The following TMEM132D variants were observed in gnomAD, a reference collection of about 807,000 sequenced individuals.
TMEM132D encodes the protein mature OL transmembrane protein.
Under a neutral mutation model 62.3 loss-of-function variants are expected in TMEM132D, and 21 were observed. The ratio of observed to expected loss-of-function variants is 0.34; its 90% CI spans 0.24 to 0.49. The LOEUF (loss-of-function observed/expected upper bound fraction) is 0.49, where lower values mean the gene tolerates loss of function less well. Among genes scored for constraint, TMEM132D ranks in the 20% least tolerant of loss-of-function variants. TMEM132D has a pLI of 0.99. For missense variants in TMEM132D, 1,346 were observed against 1,402.8 expected (o/e 0.96, Z 0.65); for synonymous variants, 621 against 575.6 (o/e 1.08, Z -1.13).
At chr12:129,403,499 A>T (rs143197387) in intron 3 of TMEM132D, among the ~76,000 whole-genome samples, 324 of 152,070 alleles carry the variant, frequency 2.1e-3, no homozygotes, top group African/African-American at 7.5e-3. Flanking sequence ...AGGAAAATTC[A>T]GCTCACACAC....
intron 5 of TMEM132D, among the ~76,000 whole-genome samples, chr12:129,124,686 T>A (rs1468359852): frequency 6.6e-6 from 1 of 152,226 alleles, no homozygotes; most frequent in Non-Finnish European, 1.5e-5. Context: ...TTTCATTGAA[T>A]GGGCACAGAA....
intron 5 of TMEM132D, chr12:129,111,499 C>T (rs1875701648): frequency 6.6e-6 from 1 of 152,226 alleles, no homozygotes; most frequent in African/African-American, 2.4e-5. Flanking sequence ...GACTGCTTCT[C>T]ATTTGCACTG....
At chr12:129,599,157 G>C (rs969818970) in intron 2 of TMEM132D, among the ~76,000 whole-genome samples, 5 of 152,218 alleles carry the variant, frequency 3.3e-5, no homozygotes, top group African/African-American at 1.2e-4. Context: ...TATGGCTGTG[G>C]CTCTGTTTAA....
rs1167299485 is a variant in TMEM132D at position 129,089,455 on chromosome 12, TATGACCGGGTGTCCTCC to T, written c.1444-4770_1444-4754del. ...TGTCCTCCATGACCGGGGTGTCCTC[TATGACCGGGTGTCCTCC>T]ATGACCGGGTGTCCTCCATGACCGG... On this transcript the variant is annotated intron_variant, in intron 5 of 8. Coordinates refer to ENST00000422113, the MANE Select transcript of TMEM132D (RefSeq NM_133448.3). 6.2e-3 allele frequency among the ~76,000 whole-genome samples: 160 copies of T among 25,642 alleles called. 33 individuals are homozygous for T. In the East Asian group the frequency reaches 0.12, roughly 19 times the overall value. The allele number at this position is 25,642 out of a possible 152,430, so 16.8% of individuals were successfully genotyped here.
intron 2 of TMEM132D, among the ~76,000 whole-genome samples, chr12:129,543,297 G>C (rs1876636756): frequency 8.4e-6 from 1 of 119,564 alleles, no homozygotes; most frequent in African/African-American, 3.2e-5. Context: ...TGGGTGGGTG[G>C]GTGGGTGGAT....
At chr12:129,577,827 A>C (rs1054614634) in intron 2 of TMEM132D, among the ~76,000 whole-genome samples, 3 of 152,136 alleles carry the variant, frequency 2.0e-5, no homozygotes, top group African/African-American at 7.2e-5. Context: ...GTAGAGAGAG[A>C]GAATAGTTAA....
chr12:129,649,679 G>T (rs1447624643), intron 2 of TMEM132D, among the ~76,000 whole-genome samples: 2 of 151,798 alleles, frequency 1.3e-5, no homozygotes, highest in Non-Finnish European at 2.9e-5. Context: ...AGAATATACT[G>T]TTCTATATAA....
At chr12:129,631,025 A>G (rs1486976482) in intron 2 of TMEM132D, among the ~76,000 whole-genome samples, 1 of 152,202 alleles carries the variant, frequency 6.6e-6, no homozygotes, top group African/African-American at 2.4e-5. Flanking sequence ...GACTGGATAA[A>G]GAATTATTCT....
intron 2 of TMEM132D, among the ~76,000 whole-genome samples, chr12:129,548,195 C>A (rs1876793191): frequency 6.6e-6 from 1 of 152,142 alleles, no homozygotes; most frequent in South Asian, 2.1e-4. Context: ...GGGGTTCCCG[C>A]CTATATCCCT....
intron 1 of TMEM132D, among the ~76,000 whole-genome samples, chr12:129,873,559 G>A (rs555289518): frequency 1.3e-5 from 2 of 152,188 alleles, no homozygotes; most frequent in Admixed American, 6.5e-5. Flanking sequence ...ATGGCTAGAC[G>A]CTGAACCAGC....
intron 2 of TMEM132D, among the ~76,000 whole-genome samples, chr12:129,636,735 T>TGTGTGA (rs1879491151): frequency 1.1e-5 from 1 of 91,360 alleles, no homozygotes. Flanking sequence ...TGTGTGTGTG[T>TGTGTGA]GTGAGAGAGA....
At chr12:129,637,178 G>T (rs1480275727) in intron 2 of TMEM132D, among the ~76,000 whole-genome samples, 2 of 152,110 alleles carry the variant, frequency 1.3e-5, no homozygotes, top group Admixed American at 6.5e-5. Flanking sequence ...TTTTGAAAAT[G>T]TCAACCTTAT....
intron 5 of TMEM132D, among the ~76,000 whole-genome samples, chr12:129,142,253 G>A (rs1042458161): frequency 2.2e-4 from 33 of 152,152 alleles, no homozygotes; most frequent in African/African-American, 6.3e-4. Context: ...CCTATCGTAC[G>A]TTGATGACCA....
chr12:129,809,520 C>G (rs1348587916), intron 1 of TMEM132D, among the ~76,000 whole-genome samples: 1 of 151,892 alleles, frequency 6.6e-6, no homozygotes, highest in East Asian at 1.9e-4. Flanking sequence ...CCTGCCGCTT[C>G]CTGCATGAAG....
At chr12:129,777,385 C>A (rs139237350) in intron 1 of TMEM132D, among the ~76,000 whole-genome samples, 1 of 152,176 alleles carries the variant, frequency 6.6e-6, no homozygotes, top group Non-Finnish European at 1.5e-5. Context: ...ACAGACTCTG[C>A]GTGGGAAGAA....
chr12:129,688,634 T>G (rs1373004617), intron 2 of TMEM132D, among the ~76,000 whole-genome samples: 1 of 151,606 alleles, frequency 6.6e-6, no homozygotes, highest in Non-Finnish European at 1.5e-5. Flanking sequence ...GTAGGTGGGG[T>G]GGAATTATGG....
chr12:129,288,335 T>C (rs1204086598), intron 4 of TMEM132D, among the ~76,000 whole-genome samples: 1 of 152,200 alleles, frequency 6.6e-6, no homozygotes, highest in East Asian at 1.9e-4. Flanking sequence ...GCAGGCCATA[T>C]ATCTGATACG....
intron 3 of TMEM132D, among the ~76,000 whole-genome samples, chr12:129,504,828 ACTT>A (rs1875280175): frequency 1.3e-5 from 2 of 151,968 alleles, no homozygotes; most frequent in South Asian, 4.2e-4. Context: ...GCTCTTTCAG[ACTT>A]CTTGATGTAG....
intron 8 of TMEM132D, among the ~76,000 whole-genome samples, chr12:129,076,103 C>G (rs1411892596): frequency 6.6e-6 from 1 of 152,080 alleles, no homozygotes; most frequent in Non-Finnish European, 1.5e-5. Flanking sequence ...CTCTCTCTCT[C>G]GAACTTGAAA....
Sources: allele counts gnomAD v4.1 joint callset (sites outside exome capture counted in the v4.1 genomes callset), GRCh38; gene constraint gnomAD v4.1.1; transcripts MANE v1.5; gene names NCBI Gene and HGNC (gene_info 2026-07-23, HGNC 2026-07-21).